PDZD2: variants seen among roughly 807,000 people sequenced by gnomAD.
PDZD2 encodes PDZ domain containing 2.
PDZD2 carries 90 observed loss-of-function variants against 220.7 expected under a neutral mutation model. That is an observed-to-expected ratio of 0.41 (90% CI 0.34 to 0.49). PDZD2 has a LOEUF of 0.49. Among genes scored for constraint, PDZD2 ranks in the 20% least tolerant of loss-of-function variants. The pLI, the probability that PDZD2 is intolerant of heterozygous loss-of-function variation, is 0.28. For synonymous variants in PDZD2, 1,375 were observed against 1,450.5 expected (o/e 0.95, Z 1.18); for missense variants, 3,174 against 3,608.5 (o/e 0.88, Z 3.08).
chr5:31,681,640 T>C (rs1035538768), intron 1 of PDZD2, among the ~76,000 whole-genome samples: 1 of 152,088 alleles, frequency 6.6e-6, no homozygotes, highest in Non-Finnish European at 1.5e-5. Flanking sequence ...TGTCAACACC[T>C]CTCCTACCAT....
chr5:31,697,386 C>A (rs1561389929), intron 1 of PDZD2, among the ~76,000 whole-genome samples: 1 of 152,164 alleles, frequency 6.6e-6, no homozygotes, highest in Non-Finnish European at 1.5e-5. Flanking sequence ...TCACTTGAAC[C>A]CTGGAAGCAG....
rs1742743005 is a variant in PDZD2, at chr5:32,088,434, T to C, written c.4986T>C (p.Ser1662=). ...LPGSYTSGPD[S]SQPSSLLEMS... is the part of the protein sequence containing the mutation. Reference sequence around the variant, plus strand: ...GCTCATACACTTCAGGCCCAGACTCTTCCCAGCCATCATCACTCTTGGAGA... The same window carrying C: ...GCTCATACACTTCAGGCCCAGACTCCTCCCAGCCATCATCACTCTTGGAGA... Residue 1662 remains serine, a synonymous_variant, in exon 20 of 25, where the codon TCT becomes TCC. Transcript: ENST00000438447. The surrounding 1 kb of genome is among the most constrained non-coding windows in gnomAD (Gnocchi z 4.6). 3.1e-6 allele frequency: 5 copies of C among 1,614,066 alleles called. No individual in the cohort carries two copies. The highest frequency in any genetic ancestry group is 4.2e-6 in the Non-Finnish European group (5 of 1,179,990).
intron 2 of PDZD2, among the ~76,000 whole-genome samples, chr5:31,939,161 T>C (rs116101035): frequency 2.1e-4 from 32 of 152,274 alleles, no homozygotes; most frequent in African/African-American, 7.7e-4. Context: ...GCCTGTACGC[T>C]TGATGAGCCA....
At chr5:31,856,583 T>A (rs544043532) in intron 2 of PDZD2, among the ~76,000 whole-genome samples, 1 of 152,280 alleles carries the variant, frequency 6.6e-6, no homozygotes, top group Admixed American at 6.5e-5. Flanking sequence ...GTCACCAAAC[T>A]GCCTTTCTGC....
chr5:31,829,769 A>G (rs1756452436), intron 2 of PDZD2, among the ~76,000 whole-genome samples: 2 of 151,906 alleles, frequency 1.3e-5, no homozygotes, highest in Non-Finnish European at 2.9e-5. Context: ...TTTCCTATCT[A>G]TGGCTGGGTG....
intron 7 of PDZD2, among the ~76,000 whole-genome samples, chr5:32,038,102 A>G (rs1755701255): frequency 6.8e-6 from 1 of 146,498 alleles, no homozygotes; most frequent in African/African-American, 2.5e-5. Context: ...TCAGCTTCCC[A>G]AAGTGCTGGG....
At chr5:31,901,181 G>T (rs1339014259) in intron 2 of PDZD2, among the ~76,000 whole-genome samples, 2 of 152,176 alleles carry the variant, frequency 1.3e-5, no homozygotes, top group Non-Finnish European at 2.9e-5. Flanking sequence ...ACTTTGGGAG[G>T]CTGAGGCGGG....
intron 2 of PDZD2, among the ~76,000 whole-genome samples, chr5:31,856,340 C>T (rs767965795): frequency 2.0e-5 from 3 of 152,104 alleles, no homozygotes; most frequent in Non-Finnish European, 4.4e-5. Flanking sequence ...GCAGGACTCA[C>T]AGACAGGATG....
In PDZD2 at chr5:31,639,688, G is replaced by A. The variant is rs1267903430; in HGVS notation, c.-361+251G>A. On this transcript the variant is annotated intron_variant, in intron 1 of 24. Transcript: ENST00000438447. This position sits in a 1 kb window ranked among gnomAD's most constrained non-coding sequence, Gnocchi z 4.1. ...CCCAGGGGAGGGGGCTAGACAGAGC[G>A]GGACCGAGACAGCGGGACAACCGGA... 1.3e-5 allele frequency among the ~76,000 whole-genome samples: 2 copies of A among 152,178 alleles called. No homozygotes were observed. The highest frequency in any genetic ancestry group is 2.9e-5 in the Non-Finnish European group (2 of 68,000).
In PDZD2 at chr5:31,639,205, G is replaced by T. The variant is rs1240556643; in HGVS notation, c.-593G>T. The stretch of plus-strand genomic sequence containing the variant: ...CCGGTGCGTGCCGGCCCCGGGCAGC[G>T]GGACGCGGCGGGGCGGCGGCTGCAG... On this transcript the variant is annotated 5_prime_UTR_variant, in exon 1 of 25. Coordinates refer to ENST00000438447, the MANE Select transcript of PDZD2 (RefSeq NM_178140.4). The surrounding 1 kb of genome is among the most constrained non-coding windows in gnomAD (Gnocchi z 4.1). Among the ~76,000 whole-genome samples the T allele has an allele frequency of 6.6e-6, 1 of 151,780 alleles. No individual in the cohort carries two copies. Among genetic ancestry groups the T allele is most frequent in the Non-Finnish European group, 1.5e-5 (1 of 67,882 alleles).
In PDZD2 at chr5:32,109,302, T is replaced by TTACTTAAG. The variant is rs1554046049; in HGVS notation, c.*1169_*1170insCTTAAGTA. The TTACTTAAG allele has an allele frequency of 3.3e-5, 5 of 151,746 alleles. No homozygotes were observed. The highest frequency in any genetic ancestry group is 9.7e-5 in the African/African-American group (4 of 41,048). The allele number at this position is 151,746 out of a possible 1,614,324, so 9.4% of individuals were successfully genotyped here. A position where few individuals can be genotyped will look rare whatever the true frequency, so the allele number is the denominator to read the frequency against. ...CTAGTATAATGACAACTGCAGTGAC[T>TTACTTAAG]TAAGTTTTTGCTGTTTTCGTTTTCC... On this transcript the variant is annotated 3_prime_UTR_variant, in exon 25 of 25. Transcript: ENST00000438447.
chr5:32,052,585 T>C (rs1299549215), intron 8 of PDZD2, 26 bp from the exon 9 acceptor site: 6 of 1,611,390 alleles, frequency 3.7e-6, no homozygotes, highest in Non-Finnish European at 4.2e-6. Context: ...GAGTAATCTC[T>C]GACCTTGCCG....
intron 1 of PDZD2, chr5:31,661,576 C>A (rs750220344): frequency 2.0e-5 from 3 of 152,178 alleles, no homozygotes; most frequent in Non-Finnish European, 2.9e-5. Context: ...TCTTGAAACA[C>A]TAAGGAGAAC....
chr5:31,662,692 C>T (rs1294230291), intron 1 of PDZD2, among the ~76,000 whole-genome samples: 1 of 152,168 alleles, frequency 6.6e-6, no homozygotes, highest in Non-Finnish European at 1.5e-5. Flanking sequence ...TGCAGTGGCG[C>T]AATCTCAGCT....
In PDZD2 at chr5:32,090,394, A is replaced by C. The variant is rs766630026; in HGVS notation, c.6946A>C (p.Arg2316=). ...AGTCACAGACAAAATCAAAGTCACCAGACGACACTACTGCTATGAGCAGAA... is the reference window on the plus strand; with the variant it reads ...AGTCACAGACAAAATCAAAGTCACCCGACGACACTACTGCTATGAGCAGAA... ...CLVTDKIKVT[R]RHYCYEQNWP... is the part of the protein sequence containing the mutation. The change falls in exon 20 of 25, where the codon AGA becomes CGA. Residue 2316 remains arginine (R), a synonymous_variant. Transcript: ENST00000438447. The surrounding 1 kb of genome is among the most constrained non-coding windows in gnomAD (Gnocchi z 4.3). 1 of 1,614,202 alleles carries C rather than the reference A, an allele frequency of 6.2e-7. No homozygotes were observed. The highest frequency in any genetic ancestry group is 8.5e-7 in the Non-Finnish European group (1 of 1,180,022).
At position 32,003,257 on chromosome 5, in the gene PDZD2, ACAC is replaced by A. The variant is rs1233267134; in HGVS notation, c.1254+2990_1254+2992del. Among the ~76,000 whole-genome samples, 87 of 118,326 alleles carry A rather than the reference ACAC, an allele frequency of 7.4e-4. 1 individual carries two copies. The highest frequency in any genetic ancestry group is 2.9e-3 in the African/African-American group (85 of 29,582). The allele number at this position is 118,326 out of a possible 152,430, so 77.6% of individuals were successfully genotyped here. ...ATACCTTCACACACACACCACACAC[ACAC>A]CACATGCCACACACACACCACACAC... is the stretch of plus-strand genomic sequence containing the variant. On this transcript the variant is annotated intron_variant, in intron 5 of 24. Transcript: ENST00000438447.
At chr5:31,896,757 C>G (rs1225067858) in intron 2 of PDZD2, among the ~76,000 whole-genome samples, 1 of 152,114 alleles carries the variant, frequency 6.6e-6, no homozygotes, top group African/African-American at 2.4e-5. Context: ...TTCAGGAGTT[C>G]GAGACCAGCT....
At chr5:31,936,749 C>T (rs187780661) in intron 2 of PDZD2, among the ~76,000 whole-genome samples, 21 of 152,274 alleles carry the variant, frequency 1.4e-4, no homozygotes, top group Middle Eastern at 3.4e-3. Flanking sequence ...TCAGAGCCAA[C>T]GAGGTGCTCA....
At chr5:32,006,646 G>A (rs1412117458) in intron 5 of PDZD2, among the ~76,000 whole-genome samples, 1 of 150,758 alleles carries the variant, frequency 6.6e-6, no homozygotes, top group Non-Finnish European at 1.5e-5. Context: ...CAAGGTAATG[G>A]GATTACAGGC....
Sources: allele counts gnomAD v4.1 joint callset (sites outside exome capture counted in the v4.1 genomes callset), GRCh38; gene constraint gnomAD v4.1.1; non-coding constraint Gnocchi (gnomAD v3.1); transcripts MANE v1.5; gene names NCBI Gene and HGNC (gene_info 2026-07-23, HGNC 2026-07-21).